Variants in BET1 observed in about 807,000 individuals in gnomAD.
BET1 encodes the protein BET1 homolog.
A neutral mutation model predicts 13.9 loss-of-function variants in BET1; 9 were observed. That is an observed-to-expected ratio of 0.65 (90% CI 0.39 to 1.13). The LOEUF is 1.13. Among genes scored for constraint, BET1 ranks in the 50% most tolerant of loss-of-function variants. BET1 has a pLI of 0.01. For missense variants in BET1, 127 were observed against 133.6 expected (o/e 0.95, Z 0.24); for synonymous variants, 39 against 47.3 (o/e 0.82, Z 0.72).
At chr7:93,989,067 G>A (rs1795580287), downstream of BET1, among the ~76,000 whole-genome samples, 1 of 151,186 alleles carries the variant, frequency 6.6e-6, no homozygotes, top group Non-Finnish European at 1.5e-5. Context: ...AGGCTGGAGT[G>A]CAGTGGTGCG....
chr7:93,983,102 T>A (rs1186205269), intron 4 of BET1, among the ~76,000 whole-genome samples: 3 of 151,980 alleles, frequency 2.0e-5, no homozygotes, highest in African/African-American at 7.3e-5. Context: ...AATAAGAGAG[T>A]CTGGGAGATT....
intron 6 of BET1, among the ~76,000 whole-genome samples, chr7:93,966,309 A>G (rs1228241508): frequency 6.6e-6 from 1 of 152,050 alleles, no homozygotes; most frequent in East Asian, 1.9e-4. Flanking sequence ...ATTTAAAACA[A>G]TGAAATAATA....
downstream of BET1, chr7:93,992,942 T>C (rs1485685000): frequency 1.0e-6 from 1 of 985,320 alleles, no homozygotes; most frequent in Non-Finnish European, 1.2e-6. Flanking sequence ...CCGGTGGTTT[T>C]AACCTGTCAG....
intron 4 of BET1, among the ~76,000 whole-genome samples, chr7:93,986,702 C>T (rs1337443835): frequency 3.3e-5 from 5 of 152,166 alleles, no homozygotes; most frequent in Admixed American, 6.5e-5. Flanking sequence ...CAATGGAAAA[C>T]ATATATAATG....
intron 1 of BET1, among the ~76,000 whole-genome samples, chr7:94,003,882 T>C (rs183755611): frequency 1.2e-3 from 176 of 152,048 alleles, no homozygotes; most frequent in African/African-American, 4.0e-3. Context: ...TTGGAAAACA[T>C]AGCAGCGTCC....
chr7:93,989,853 C>T (rs1795597353), downstream of BET1, among the ~76,000 whole-genome samples: 1 of 152,080 alleles, frequency 6.6e-6, no homozygotes, highest in South Asian at 2.1e-4. Context: ...ATTATTTAGC[C>T]ATGAGAAATA....
At chr7:93,981,258 G>A (rs555364148) in intron 4 of BET1, among the ~76,000 whole-genome samples, 1 of 152,138 alleles carries the variant, frequency 6.6e-6, no homozygotes, top group Non-Finnish European at 1.5e-5. Flanking sequence ...GAAGTCTCAT[G>A]CCCTGGGAAA....
intron 3 of BET1, 80 bp from the exon 4 acceptor site, chr7:93,994,465 T>C: frequency 7.3e-7 from 1 of 1,373,172 alleles, no homozygotes; most frequent in Non-Finnish European, 9.9e-7. Flanking sequence ...ATTGAATAAC[T>C]GTTACCATAG....
At chr7:93,963,405 C>T (rs1584118205) in exon 7 of BET1, 2 of 152,020 alleles carry the variant, frequency 1.3e-5, no homozygotes, top group South Asian at 2.1e-4. Context: ...AGTCAGTATA[C>T]ATGCATGCTG....
intron 4 of BET1, among the ~76,000 whole-genome samples, chr7:93,977,558 C>A (rs1209501723): frequency 6.6e-6 from 1 of 152,006 alleles, no homozygotes; most frequent in East Asian, 1.9e-4. Context: ...AATAAAAACC[C>A]TGTACTTTGA....
chr7:93,967,947 C>G (rs1355542210), intron 6 of BET1, among the ~76,000 whole-genome samples: 8 of 151,722 alleles, frequency 5.3e-5, no homozygotes, highest in African/African-American at 1.7e-4. Context: ...CACATTCTAA[C>G]CAGAATATAT....
chr7:93,974,092 T>A (rs1366240273), intron 5 of BET1, among the ~76,000 whole-genome samples: 1 of 151,986 alleles, frequency 6.6e-6, no homozygotes, highest in Non-Finnish European at 1.5e-5. Flanking sequence ...GAGAGTCAGT[T>A]TTCTCTTTGT....
rs1795690934 is a variant in BET1 at position 93,993,735 on chromosome 7, C to T, written c.*495G>A. 2.2e-6 allele frequency: 3 copies of T among 1,344,556 alleles called. No individual in the cohort carries two copies. Among genetic ancestry groups the T allele is most frequent in the Non-Finnish European group, 9.5e-7 (1 of 1,054,152 alleles). 83.3% of individuals were successfully genotyped at this position (1,344,556 alleles called of 1,614,324 possible). A position where few individuals can be genotyped will look rare whatever the true frequency, so the allele number is the denominator to read the frequency against. The stretch of plus-strand genomic sequence containing the variant: ...AAGATTGTAGGTAAAAAGAAATCAG[C>T]CTACAATTTTAACTAAATAAAGGAG... On this transcript the variant is annotated 3_prime_UTR_variant, in exon 4 of 4. Transcript: ENST00000222547.
downstream of BET1, among the ~76,000 whole-genome samples, chr7:93,990,974 A>T (rs1479180561): frequency 6.6e-6 from 1 of 152,168 alleles, no homozygotes; most frequent in African/African-American, 2.4e-5. Flanking sequence ...AAGGCTTGTG[A>T]AAAATTCTTC....
At chr7:94,003,178 C>T (rs964855736) in intron 1 of BET1, among the ~76,000 whole-genome samples, 1 of 148,786 alleles carries the variant, frequency 6.7e-6, no homozygotes, top group South Asian at 2.2e-4. Context: ...AAAATTATTT[C>T]TTTTTTTTTT....
intron 5 of BET1, among the ~76,000 whole-genome samples, chr7:93,974,005 G>A (rs897445641): frequency 1.3e-5 from 2 of 151,820 alleles, no homozygotes; most frequent in African/African-American, 4.8e-5. Context: ...TCCCAAATGG[G>A]TACAGATTCA....
At position 94,004,315 on chromosome 7, in the gene BET1, C is replaced by G. The variant is rs1584152832; in HGVS notation, c.-99G>C. On this transcript the variant is annotated 5_prime_UTR_variant, in exon 1 of 4. Coordinates refer to ENST00000222547, the MANE Select transcript of BET1 (RefSeq NM_005868.6). The stretch of plus-strand genomic sequence containing the variant: ...CCGCGTCTTCAGTACCAGGGCCCAG[C>G]GAAACACCAACTTCTTCCCCTAAAG... 6.6e-7 allele frequency: 1 copy of G among 1,512,606 alleles called. No individual in the cohort carries two copies. The allele number at this position is 1,512,606 out of a possible 1,614,324, so 93.7% of individuals were successfully genotyped here.
At chr7:93,977,931 G>C (rs1795366773) in intron 4 of BET1, among the ~76,000 whole-genome samples, 1 of 151,972 alleles carries the variant, frequency 6.6e-6, no homozygotes, top group South Asian at 2.1e-4. Context: ...GCCCACTTAG[G>C]AACCTTCAAT....
chr7:94,001,839 A>G (rs761588518), intron 1 of BET1, among the ~76,000 whole-genome samples: 53 of 152,236 alleles, frequency 3.5e-4, no homozygotes, highest in Non-Finnish European at 5.9e-4. Flanking sequence ...AACTTCACCA[A>G]GGAATTCATT....
Sources: allele counts gnomAD v4.1 joint callset (sites outside exome capture counted in the v4.1 genomes callset), GRCh38; gene constraint gnomAD v4.1.1; transcripts MANE v1.5; gene names NCBI Gene and HGNC (gene_info 2026-07-23, HGNC 2026-07-21).